Variants in ZMYND19 observed in about 807,000 individuals in gnomAD.
ZMYND19 encodes zinc finger MYND-type containing 19.
Under a neutral mutation model 32.0 loss-of-function variants are expected in ZMYND19, and 17 were observed. The ratio of observed to expected loss-of-function variants is 0.53; its 90% CI spans 0.36 to 0.80. ZMYND19 has a LOEUF of 0.80. ZMYND19 is among the 30% of genes least tolerant of loss of function. The probability of loss-of-function intolerance (pLI) is 0.00; values close to 1 mark genes in which losing one functional copy is unlikely to be tolerated. For synonymous variants in ZMYND19, 124 were observed against 113.6 expected (o/e 1.09, Z -0.58); for missense variants, 250 against 293.6 (o/e 0.85, Z 1.09).
At chr9:137,588,994 GC>G (rs1483461956) in intron 1 of ZMYND19, 15 of 456,006 alleles carry the variant, frequency 3.3e-5, no homozygotes, top group Non-Finnish European at 6.0e-5. Flanking sequence ...TCCTCGCAGG[GC>G]TAACCCCAAC....
chr9:137,586,847 T>C (rs1324401008), intron 4 of ZMYND19, 120 bp downstream of exon 4: 3 of 1,358,890 alleles, frequency 2.2e-6, no homozygotes, highest in East Asian at 2.4e-5. Flanking sequence ...ATTCCCAAAA[T>C]ACACAGAAGC....
At chr9:137,587,411 T>C (rs1279323886) in intron 3 of ZMYND19, 2 of 588,642 alleles carry the variant, frequency 3.4e-6, no homozygotes, top group Non-Finnish European at 3.0e-6. Context: ...CAGCTCCCCA[T>C]CTGAGTGGTC....
At chr9:137,589,984 G>A (rs550549762) in intron 1 of ZMYND19, 8 of 985,298 alleles carry the variant, frequency 8.1e-6, no homozygotes, top group East Asian at 2.3e-4. Flanking sequence ...CAGGGCCGAG[G>A]GTGGCCAGGT....
chr9:137,588,910 C>A (rs894979431), intron 1 of ZMYND19, 192 bp from the exon 2 acceptor site: 2 of 600,024 alleles, frequency 3.3e-6, no homozygotes, highest in Non-Finnish European at 5.9e-6. Flanking sequence ...CAGTCTACGA[C>A]AAAACACAGG....
chr9:137,589,833 C>A (rs1218411322), intron 1 of ZMYND19: 2 of 985,370 alleles, frequency 2.0e-6, no homozygotes, highest in Non-Finnish European at 2.4e-6. Context: ...ACCGTGTGGC[C>A]GCACTGGCAG....
chr9:137,588,789 G>C (rs1842236469), intron 1 of ZMYND19, 71 bp from the exon 2 acceptor site: 2 of 1,562,922 alleles, frequency 1.3e-6, no homozygotes, highest in South Asian at 1.1e-5. Flanking sequence ...CTTATAACCA[G>C]AACAGGCAGG....
chr9:137,582,486 T>C lies in ZMYND19; in HGVS notation c.*57A>G. Reference sequence around the variant, plus strand: ...CTCCAGGTTCAACCACCAGTCTGTCTCTGCTGTGCCCAGGGTAGAGCCCGG... The same window carrying C: ...CTCCAGGTTCAACCACCAGTCTGTCCCTGCTGTGCCCAGGGTAGAGCCCGG... On this transcript the variant is annotated 3_prime_UTR_variant, in exon 6 of 6. Transcript: ENST00000298585. 1 of 1,572,934 alleles carries C rather than the reference T, an allele frequency of 6.4e-7. No homozygotes were observed. The highest frequency in any genetic ancestry group is 8.6e-7 in the Non-Finnish European group (1 of 1,158,978).
intron 4 of ZMYND19, among the ~76,000 whole-genome samples, chr9:137,585,646 C>T (rs1377599817): frequency 6.6e-6 from 1 of 152,204 alleles, no homozygotes; most frequent in African/African-American, 2.4e-5. Context: ...GTAGGACTCC[C>T]TCCAGGGTGG....
chr9:137,589,825 C>A (rs971683251), intron 1 of ZMYND19: 2 of 985,490 alleles, frequency 2.0e-6, no homozygotes, highest in East Asian at 2.3e-4. Flanking sequence ...GTGTTTAAAC[C>A]GTGTGGCCGC....
In ZMYND19 at chr9:137,582,379, G is replaced by C. The variant is rs1215874493; in HGVS notation, c.*164C>G. 2 of 913,794 alleles carry C rather than the reference G, an allele frequency of 2.2e-6. No individual in the cohort carries two copies. The highest frequency in any genetic ancestry group is 2.9e-5 in the Admixed American group (1 of 34,062). The allele number at this position is 913,794 out of a possible 1,614,324, so 56.6% of individuals were successfully genotyped here. A position where few individuals can be genotyped will look rare whatever the true frequency, so the allele number is the denominator to read the frequency against. On this transcript the variant is annotated 3_prime_UTR_variant, in exon 6 of 6. Transcript: ENST00000298585. ...TCTCTGCTGGAGATGAACACTGAGG[G>C]GCGCTGTAACCACACAGACTGCCTG...
intron 1 of ZMYND19, chr9:137,589,969 C>T (rs530446752): frequency 1.0e-6 from 1 of 985,190 alleles, no homozygotes; most frequent in Non-Finnish European, 1.2e-6. Context: ...CCACCTCCGG[C>T]AGGGCAGGGC....
In ZMYND19 at chr9:137,590,242, T is replaced by C; in HGVS notation, c.22A>G (p.Ile8Val). Reference protein sequence around the residue: MTDFKLGIVRLGRVAGKT... With the variant: MTDFKLGVVRLGRVAGKT... ...CCGGCCACCCGGCCGAGCCGCACGA[T>C]ACCCAATTTGAAGTCGGTCATGGCC... The change falls in exon 1 of 6, where the codon ATC (isoleucine) becomes GTC (valine). Residue 8 changes from isoleucine to valine, a missense_variant. Physicochemically the swap from Ile to Val is conservative, Grantham distance 29 (BLOSUM62 3). Coordinates refer to ENST00000298585, the MANE Select transcript of ZMYND19 (RefSeq NM_138462.3). The surrounding 1 kb of genome is among the most constrained non-coding windows in gnomAD (Gnocchi z 4.2). The C allele has an allele frequency of 8.7e-7, 1 of 1,152,706 alleles. No homozygotes were observed. Among genetic ancestry groups the C allele is most frequent in the Non-Finnish European group, 1.1e-6 (1 of 921,136 alleles). 71.4% of individuals were successfully genotyped at this position (1,152,706 alleles called of 1,614,324 possible).
In ZMYND19 at chr9:137,582,964, C is replaced by T. The variant is rs376524616; in HGVS notation, c.540+19G>A. 252 of 1,612,756 alleles carry T rather than the reference C, an allele frequency of 1.6e-4. No individual in the cohort carries two copies. The highest frequency in any genetic ancestry group is 2.3e-4 in the African/African-American group (17 of 74,914). On this transcript the variant is annotated intron_variant, in intron 5 of 5. Transcript: ENST00000298585. ...AGGGTAGAGGTGCCAGGGACGCGACCGCACTGCAGCACACCCACCTGCTTC... is the reference window on the plus strand; with the variant it reads ...AGGGTAGAGGTGCCAGGGACGCGACTGCACTGCAGCACACCCACCTGCTTC...
In ZMYND19 at chr9:137,590,221, C is replaced by T; in HGVS notation, c.43G>A (p.Ala15Thr). 3 of 1,136,788 alleles carry T rather than the reference C, an allele frequency of 2.6e-6. No homozygotes were observed. Among genetic ancestry groups the T allele is most frequent in the South Asian group, 2.0e-5 (1 of 51,250 alleles). The allele number at this position is 1,136,788 out of a possible 1,614,324, so 70.4% of individuals were successfully genotyped here. A position where few individuals can be genotyped will look rare whatever the true frequency, so the allele number is the denominator to read the frequency against. The change falls in exon 1 of 6, where the codon GCC (alanine) becomes ACC (threonine). Residue 15 changes from alanine to threonine, a missense_variant. Ala to Thr is a moderately conservative substitution (Grantham distance 58). Coordinates refer to ENST00000298585, the MANE Select transcript of ZMYND19 (RefSeq NM_138462.3). The surrounding 1 kb of genome is among the most constrained non-coding windows in gnomAD (Gnocchi z 4.2). ...KLGIVRLGRV[A>T]GKTKYTLIDE... ...GGCTCCGCGCCGCTCACCTTCCCGGCCACCCGGCCGAGCCGCACGATACCC... is the reference window on the plus strand; with the variant it reads ...GGCTCCGCGCCGCTCACCTTCCCGGTCACCCGGCCGAGCCGCACGATACCC...
intron 3 of ZMYND19, 194 bp from the exon 4 acceptor site, chr9:137,587,301 C>CA: frequency 2.2e-6 from 2 of 895,276 alleles, no homozygotes; most frequent in Non-Finnish European, 1.6e-6. Context: ...GATCTGTGGC[C>CA]CAAACAGGAC....
Position 137,590,042 on chromosome 9 carries a change from C to G in ZMYND19, c.51+171G>C, listed in dbSNP as rs536591259. On this transcript the variant is annotated intron_variant, in intron 1 of 5. Coordinates refer to ENST00000298585, the MANE Select transcript of ZMYND19 (RefSeq NM_138462.3). The surrounding 1 kb of genome is among the most constrained non-coding windows in gnomAD (Gnocchi z 4.2). ...GTGCCCGCCGGCCTGCGAGAGGAAG[C>G]TGCACCCGCGCGGGGCCAGCAGCCG... The G allele has an allele frequency of 4.1e-6, 4 of 984,458 alleles. No homozygotes were observed. Among genetic ancestry groups the G allele is most frequent in the Non-Finnish European group, 4.8e-6 (4 of 829,554 alleles). 61.0% of individuals were successfully genotyped at this position (984,458 alleles called of 1,614,324 possible). A position where few individuals can be genotyped will look rare whatever the true frequency, so the allele number is the denominator to read the frequency against.
intron 2 of ZMYND19, 53 bp downstream of exon 2, chr9:137,588,606 C>G: frequency 6.2e-7 from 1 of 1,601,872 alleles, no homozygotes; most frequent in Non-Finnish European, 8.6e-7. Context: ...CCTCGTGACC[C>G]TCCTGGGCAC....
chr9:137,585,639 G>A (rs1842196338), intron 4 of ZMYND19, among the ~76,000 whole-genome samples: 1 of 152,168 alleles, frequency 6.6e-6, no homozygotes, highest in African/African-American at 2.4e-5. Flanking sequence ...GGGATTTGTA[G>A]GACTCCCTCC....
At chr9:137,589,252 T>C in intron 1 of ZMYND19, 1 of 828,022 alleles carries the variant, frequency 1.2e-6, no homozygotes, top group Non-Finnish European at 1.5e-6. Context: ...CCGACCTGAC[T>C]GGAGAGCCCA....
Sources: gnomAD v4.1 joint callset for allele counts (sites outside exome capture counted in the v4.1 genomes callset) on GRCh38, gnomAD v4.1.1 for gene constraint, Gnocchi (gnomAD v3.1) non-coding constraint, MANE v1.5 for transcripts, NCBI Gene and HGNC (gene_info 2026-07-23, HGNC 2026-07-21) for gene names.